ARID1B: variants seen among roughly 807,000 people sequenced by gnomAD.
ARID1B encodes the protein AT-rich interaction domain 1B.
A neutral mutation model predicts 212.3 loss-of-function variants in ARID1B; 30 were observed. The ratio of observed to expected loss-of-function variants is 0.14; its 90% CI spans 0.11 to 0.19. ARID1B has a LOEUF of 0.19. ARID1B is among the 10% of genes least tolerant of loss of function. ARID1B has a pLI of 1.00. For synonymous variants in ARID1B, 1,402 were observed against 1,301.7 expected (o/e 1.08, Z -1.66); for missense variants, 2,891 against 3,204.0 (o/e 0.90, Z 2.36).
chr6:156,834,847 A>G (rs1783390898), intron 2 of ARID1B, among the ~76,000 whole-genome samples: 1 of 152,216 alleles, frequency 6.6e-6, no homozygotes, highest in South Asian at 2.1e-4. Flanking sequence ...TACCAGCAAA[A>G]TACATTTATA....
intron 4 of ARID1B, among the ~76,000 whole-genome samples, chr6:156,950,470 G>A (rs528523287): frequency 6.6e-6 from 1 of 152,304 alleles, no homozygotes; most frequent in African/African-American, 2.4e-5. Flanking sequence ...TATATATGGG[G>A]ATGTAAGAGA....
rs141703430 is a variant in ARID1B at position 156,976,785 on chromosome 6, C to T, written c.2247+41209C>T. On this transcript the variant is annotated intron_variant, in intron 4 of 19. Transcript: ENST00000636930. The stretch of plus-strand genomic sequence containing the variant: ...TCATCAAAGTTAGCGAGACCACAAA[C>T]CCATCGGCAGGAAAAACTCCTAACT... 881 of 550,838 alleles carry T rather than the reference C, an allele frequency of 1.6e-3. 10 individuals are homozygous for T. The highest frequency in any genetic ancestry group is 0.015 in the African/African-American group (806 of 52,846). 34.1% of individuals were successfully genotyped at this position (550,838 alleles called of 1,614,324 possible).
At chr6:157,107,239 G>A (rs1583317385) in intron 5 of ARID1B, among the ~76,000 whole-genome samples, 1 of 152,132 alleles carries the variant, frequency 6.6e-6, no homozygotes, top group Non-Finnish European at 1.5e-5. Context: ...AGCTGGAGGA[G>A]GCTAAGGGAA....
chr6:156,848,873 A>AT (rs1334093522), intron 2 of ARID1B, among the ~76,000 whole-genome samples: 1 of 152,202 alleles, frequency 6.6e-6, no homozygotes. Context: ...GAGTCATCTG[A>AT]TGGCAGTCCC....
At chr6:157,010,293 TTTTTTTTTTTTG>T (rs1269026044) in intron 4 of ARID1B, among the ~76,000 whole-genome samples, 159 of 126,534 alleles carry the variant, frequency 1.3e-3, no homozygotes, top group African/African-American at 4.4e-3. Context: ...TTTTTTTTTT[TTTTTTTTTTTTG>T]TTGTTGTTGT....
At chr6:156,974,435 G>T (rs190371425) in intron 4 of ARID1B, among the ~76,000 whole-genome samples, 6 of 152,264 alleles carry the variant, frequency 3.9e-5, no homozygotes, top group Non-Finnish European at 2.9e-5. Context: ...TACCTGAAAA[G>T]CCAATTGTGT....
chr6:157,200,684 T>A lies in ARID1B; in HGVS notation c.4480-21T>A. On this transcript the variant is annotated intron_variant, in intron 17 of 19. Transcript: ENST00000636930. This position sits in a 1 kb window ranked among gnomAD's most constrained non-coding sequence, Gnocchi z 4.3. ...ACCTGTAAGAGCACATCAGGATGAT[T>A]TGTCTTTCTGTGAATTCCAGAATTA... 6.3e-7 allele frequency: 1 copy of A among 1,580,920 alleles called. No homozygotes were observed. Among genetic ancestry groups the A allele is most frequent in the Non-Finnish European group, 8.6e-7 (1 of 1,163,850 alleles).
chr6:156,868,955 T>G (rs2128140377), intron 2 of ARID1B, among the ~76,000 whole-genome samples: 1 of 152,302 alleles, frequency 6.6e-6, no homozygotes, highest in East Asian at 1.9e-4. Context: ...CAAGTACGAA[T>G]AGGGTTTATT....
At chr6:156,853,464 C>G (rs1228104565) in intron 2 of ARID1B, among the ~76,000 whole-genome samples, 1 of 152,092 alleles carries the variant, frequency 6.6e-6, no homozygotes, top group African/African-American at 2.4e-5. Flanking sequence ...CTGGGTCACC[C>G]TGTAGGAGCA....
intron 2 of ARID1B, among the ~76,000 whole-genome samples, chr6:156,889,849 C>CT (rs1471871557): frequency 6.6e-6 from 1 of 152,126 alleles, no homozygotes; most frequent in African/African-American, 2.4e-5. Context: ...ATATAATTGA[C>CT]TTGCGTTGGT....
chr6:156,950,687 A>G (rs1050802106), intron 4 of ARID1B, among the ~76,000 whole-genome samples: 13 of 152,174 alleles, frequency 8.5e-5, no homozygotes, highest in African/African-American at 2.4e-4. Flanking sequence ...TAAACTATTC[A>G]TAAGATCTAG....
At chr6:157,162,564 A>G (rs527687484) in intron 8 of ARID1B, among the ~76,000 whole-genome samples, 103 of 152,330 alleles carry the variant, frequency 6.8e-4, no homozygotes, top group South Asian at 4.1e-4. Context: ...TGCTTTCTCA[A>G]TTATTCTCCC....
chr6:156,824,736 G>A (rs754997143), intron 1 of ARID1B, among the ~76,000 whole-genome samples: 6 of 152,178 alleles, frequency 3.9e-5, no homozygotes, highest in Non-Finnish European at 7.3e-5. Context: ...CTGCACTCCA[G>A]TCTGGGTGAC....
In ARID1B at chr6:157,190,027, C is replaced by T. The variant is rs1793243653; in HGVS notation, c.4059-11C>T. 3 of 1,612,164 alleles carry T rather than the reference C, an allele frequency of 1.9e-6. No individual in the cohort carries two copies. The highest frequency in any genetic ancestry group is 2.5e-6 in the Non-Finnish European group (3 of 1,179,104). On this transcript the variant is annotated splice_polypyrimidine_tract_variant and intron_variant, in intron 14 of 19. Transcript: ENST00000636930. This position sits in a 1 kb window ranked among gnomAD's most constrained non-coding sequence, Gnocchi z 4.6. ...TGTATCATTAAGCTTTCATTCTTTG[C>T]CTCTCTTCAGAAGCAGTACAATCAG...
At chr6:157,063,988 G>A (rs1395177041) in intron 4 of ARID1B, among the ~76,000 whole-genome samples, 1 of 152,230 alleles carries the variant, frequency 6.6e-6, no homozygotes, top group Non-Finnish European at 1.5e-5. Flanking sequence ...GGAGAGGCCA[G>A]TCTGTGAGGG....
At chr6:156,913,279 C>T (rs1245109367) in intron 3 of ARID1B, among the ~76,000 whole-genome samples, 1 of 148,668 alleles carries the variant, frequency 6.7e-6, no homozygotes, top group Non-Finnish European at 1.5e-5. Context: ...TGCAGTGGCG[C>T]GATCTGGGCT....
intron 2 of ARID1B, among the ~76,000 whole-genome samples, chr6:156,867,909 G>T (rs1046284545): frequency 1.1e-4 from 16 of 152,210 alleles, no homozygotes; most frequent in African/African-American, 3.6e-4. Context: ...TAATTTTAAT[G>T]TCCGAAACGA....
chr6:157,039,392 G>A (rs376996205), intron 4 of ARID1B, among the ~76,000 whole-genome samples: 9 of 137,482 alleles, frequency 6.5e-5, no homozygotes, highest in South Asian at 2.2e-4. Context: ...CTGCAGTGGC[G>A]CAATCTCGGC....
At chr6:157,028,637 A>G (rs1013800358) in intron 4 of ARID1B, among the ~76,000 whole-genome samples, 2 of 152,210 alleles carry the variant, frequency 1.3e-5, no homozygotes, top group Admixed American at 6.5e-5. Context: ...ACTTTGATAC[A>G]TGTGATTTCC....
Sources: allele counts gnomAD v4.1 joint callset (sites outside exome capture counted in the v4.1 genomes callset), GRCh38; gene constraint gnomAD v4.1.1; non-coding constraint Gnocchi (gnomAD v3.1); transcripts MANE v1.5; gene names NCBI Gene and HGNC (gene_info 2026-07-23, HGNC 2026-07-21).